The following KDM5A variants were observed in gnomAD, a reference collection of about 807,000 sequenced individuals.
KDM5A encodes lysine-specific demethylase 5A.
KDM5A carries 42 observed loss-of-function variants against 193.5 expected under a neutral mutation model. The observed-to-expected ratio is 0.22, with a 90% CI of 0.17 to 0.28. The LOEUF (loss-of-function observed/expected upper bound fraction) is 0.28. Among genes scored for constraint, KDM5A ranks in the 10% least tolerant of loss-of-function variants. The pLI is 1.00. For synonymous variants in KDM5A, 796 were observed against 718.1 expected (o/e 1.11, Z -1.73); for missense variants, 1,692 against 2,055.1 (o/e 0.82, Z 3.42).
At chr12:305,464 A>G (rs564167003) in intron 24 of KDM5A, among the ~76,000 whole-genome samples, 1 of 152,260 alleles carries the variant, frequency 6.6e-6, no homozygotes, top group East Asian at 1.9e-4. Context: ...TGATGAGATT[A>G]ATGAGCAGTA....
rs755894128 is a variant in KDM5A, at chr12:307,910, T to C, written c.3474A>G (p.Ile1158Met). The change falls in exon 23 of 28, where the codon ATA (isoleucine) becomes ATG (methionine). Residue 1158 changes from isoleucine (I) to methionine (M), a missense_variant. Physicochemically the swap from Ile to Met is conservative, Grantham distance 10. Coordinates refer to ENST00000399788, the MANE Select transcript of KDM5A (RefSeq NM_001042603.3). The surrounding 1 kb of genome is among the most constrained non-coding windows in gnomAD (Gnocchi z 4.3). ...GGCAAATGCAAAATTTTACTTCTTC[T>C]ATGCGGTCCACCATTGTCATCTTGG... is the stretch of plus-strand genomic sequence containing the variant. The part of the protein sequence containing the change: ...NLAKMTMVDR[I>M]EEVKFCICRK... 1.2e-6 allele frequency: 2 copies of C among 1,614,194 alleles called. No individual in the cohort carries two copies. Among genetic ancestry groups the C allele is most frequent in the East Asian group, 4.5e-5 (2 of 44,886 alleles).
chr12:316,768 G>C (rs1050418649), intron 19 of KDM5A, among the ~76,000 whole-genome samples: 1 of 152,174 alleles, frequency 6.6e-6, no homozygotes, highest in Non-Finnish European at 1.5e-5. Context: ...TATGTATTCT[G>C]CATGGCATCT....
intron 13 of KDM5A, among the ~76,000 whole-genome samples, chr12:330,057 G>GTC (rs1425267288): frequency 8.9e-6 from 1 of 112,744 alleles, no homozygotes; most frequent in Non-Finnish European, 1.8e-5. Flanking sequence ...AGGAAAAAGT[G>GTC]TGTGTGTGTG....
chr12:307,374 T>C lies in KDM5A; in HGVS notation c.3930+80A>G, dbSNP rs996784196. ...AAGTTACTGTTATTTTCCTAATCAA[T>C]TGGTAAGACAGACTCAATTTACTAT... On this transcript the variant is annotated intron_variant, in intron 23 of 27. Coordinates refer to ENST00000399788, the MANE Select transcript of KDM5A (RefSeq NM_001042603.3). The surrounding 1 kb of genome is among the most constrained non-coding windows in gnomAD (Gnocchi z 4.3). The C allele has an allele frequency of 2.5e-5, 35 of 1,428,264 alleles. No homozygotes were observed. The highest frequency in any genetic ancestry group is 6.8e-5 in the Admixed American group (4 of 58,822). 88.5% of individuals were successfully genotyped at this position (1,428,264 alleles called of 1,614,324 possible).
intron 12 of KDM5A, 150 bp downstream of exon 12, chr12:333,337 T>G: frequency 1.2e-6 from 1 of 800,078 alleles, no homozygotes; most frequent in Admixed American, 2.1e-5. Context: ...GAGAACTGCT[T>G]GAGCTGAGCA....
rs751384637 is a variant in KDM5A at position 318,258 on chromosome 12, T to C, written c.2745A>G (p.Gln915=). ...DEVRLTLSDP[Q]QVTLDVMKKL... is the part of the protein sequence containing the mutation. ...TCTTCATGACATCCAAAGTGACTTG[T>C]TGCGGATCTGATAAGGTCAGTCTTA... The change falls in exon 19 of 28, where the codon CAA becomes CAG. Residue 915 remains glutamine (Q), a synonymous_variant. Coordinates refer to ENST00000399788, the MANE Select transcript of KDM5A (RefSeq NM_001042603.3). 11 of 1,614,180 alleles carry C rather than the reference T, an allele frequency of 6.8e-6. No homozygotes were observed. Among genetic ancestry groups the C allele is most frequent in the South Asian group, 4.4e-5 (4 of 91,078 alleles).
chr12:305,562 T>C (rs1591903817), intron 24 of KDM5A, among the ~76,000 whole-genome samples: 1 of 152,212 alleles, frequency 6.6e-6, no homozygotes, highest in African/African-American at 2.4e-5. Context: ...AAGCAGCCTT[T>C]TGTATCAGAG....
chr12:348,383 C>T (rs1183634821), intron 10 of KDM5A, among the ~76,000 whole-genome samples: 1 of 152,184 alleles, frequency 6.6e-6, no homozygotes, highest in Non-Finnish European at 1.5e-5. Flanking sequence ...AGTAGAAATA[C>T]CATTTGACCC....
rs1196373068 is a variant in KDM5A at position 322,545 on chromosome 12, C to A, written c.2298G>T (p.Met766Ile). 1 of 1,612,694 alleles carries A rather than the reference C, an allele frequency of 6.2e-7. No homozygotes were observed. Among genetic ancestry groups the A allele is most frequent in the South Asian group, 1.1e-5 (1 of 91,048 alleles). ...ATTTCCTATCCTCAGCATCTTCCAG[C>A]ATTACTCGCAATTCAATCAAATCTG... ...HKKDLIELRV[M>I]LEDAEDRKYP... is the part of the protein sequence containing the mutation. The change falls in exon 17 of 28, where the codon ATG becomes ATT. Residue 766 changes from methionine (M) to isoleucine (I), a missense_variant. Around this residue, in one of 11 missense-constraint regions of KDM5A, gnomAD observed 965 missense variants for 1,061.0 expected, o/e 0.91. Coordinates refer to ENST00000399788, the MANE Select transcript of KDM5A (RefSeq NM_001042603.3).
chr12:314,586 T>C (rs968168307), intron 19 of KDM5A, among the ~76,000 whole-genome samples: 5 of 152,166 alleles, frequency 3.3e-5, no homozygotes, highest in Admixed American at 6.5e-5. Context: ...AAAAGTGCTA[T>C]TGGAATACAT....
intron 4 of KDM5A, 91 bp from the exon 5 acceptor site, chr12:363,188 C>A (rs1944314013): frequency 7.0e-7 from 1 of 1,423,100 alleles, no homozygotes; most frequent in Admixed American, 1.7e-5. Context: ...GCCAATGAAT[C>A]CCTAAAACTA....
At chr12:351,846 A>G (rs911331869) in intron 9 of KDM5A, among the ~76,000 whole-genome samples, 1 of 151,848 alleles carries the variant, frequency 6.6e-6, no homozygotes, top group Non-Finnish European at 1.5e-5. Context: ...GTTCATGGCT[A>G]TAATCCCAGA....
chr12:349,861 G>GACTC (rs1320799134), intron 10 of KDM5A, among the ~76,000 whole-genome samples: 1 of 151,266 alleles, frequency 6.6e-6, no homozygotes, highest in Non-Finnish European at 1.5e-5. Flanking sequence ...CGGGCGCAGT[G>GACTC]ACTCACGCCT....
At chr12:371,516 G>A (rs957693526) in intron 3 of KDM5A, among the ~76,000 whole-genome samples, 2 of 152,160 alleles carry the variant, frequency 1.3e-5, no homozygotes, top group African/African-American at 4.8e-5. Flanking sequence ...CCCTTTGTCA[G>A]ATGAGTAGAC....
rs572343438 is a variant in KDM5A, at chr12:321,872, A to G, written c.2426+545T>C. On this transcript the variant is annotated intron_variant, in intron 17 of 27. Transcript: ENST00000399788. ...TGTGCCAGGCATTGTTCTAAGCACA[A>G]GAAATATGGCAATGAAAAAAAAATC... 2.0e-5 allele frequency among the ~76,000 whole-genome samples: 3 copies of G among 152,310 alleles called. No individual in the cohort carries two copies. The East Asian group carries it at 5.8e-4, about 29-fold the overall frequency.
chr12:370,090 A>G (rs1380093216), intron 3 of KDM5A, among the ~76,000 whole-genome samples: 4 of 152,248 alleles, frequency 2.6e-5, no homozygotes, highest in Non-Finnish European at 5.9e-5. Flanking sequence ...ATTATCATAC[A>G]TAATTTAAAA....
At chr12:330,053 A>G (rs969761476) in intron 13 of KDM5A, among the ~76,000 whole-genome samples, 2 of 112,976 alleles carry the variant, frequency 1.8e-5, no homozygotes, top group African/African-American at 7.9e-5. Context: ...CCAAAGGAAA[A>G]AGTGTGTGTG....
intron 13 of KDM5A, among the ~76,000 whole-genome samples, chr12:331,385 C>T (rs1284664584): frequency 6.6e-6 from 1 of 152,208 alleles, no homozygotes; most frequent in Non-Finnish European, 1.5e-5. Context: ...CAACCTGTGT[C>T]TTCCCTTAGA....
In KDM5A at chr12:293,241, G is replaced by A. The variant is rs1943323223; in HGVS notation, c.4456-72C>T. On this transcript the variant is annotated intron_variant, in intron 26 of 27. Coordinates refer to ENST00000399788, the MANE Select transcript of KDM5A (RefSeq NM_001042603.3). ...AAAACAGTATTACTCTCTTATATGAGGTACCTAGAATAGACACATTCGGAG... is the reference window on the plus strand; with the variant it reads ...AAAACAGTATTACTCTCTTATATGAAGTACCTAGAATAGACACATTCGGAG... 5 of 1,306,872 alleles carry A rather than the reference G, an allele frequency of 3.8e-6. No homozygotes were observed. In the African/African-American group the frequency reaches 4.4e-5, roughly 12 times the overall value. 81.0% of individuals were successfully genotyped at this position (1,306,872 alleles called of 1,614,324 possible).
Sources: gnomAD v4.1 joint callset for allele counts (sites outside exome capture counted in the v4.1 genomes callset) on GRCh38, gnomAD v4.1.1 for gene constraint, gnomAD v4.1.1 regional missense constraint, Gnocchi (gnomAD v3.1) non-coding constraint, MANE v1.5 for transcripts, NCBI Gene and HGNC (gene_info 2026-07-23, HGNC 2026-07-21) for gene names.